NELL2: variants seen among roughly 807,000 people sequenced by gnomAD.
NELL2 encodes neural EGFL like 2.
A neutral mutation model predicts 109.6 loss-of-function variants in NELL2; 41 were observed. The observed-to-expected ratio is 0.37, with a 90% confidence interval of 0.29 to 0.49. The LOEUF (loss-of-function observed/expected upper bound fraction) is 0.49, where lower values mean the gene tolerates loss of function less well. Among genes scored for constraint, NELL2 ranks in the 20% least tolerant of loss-of-function variants. The pLI is 0.98. For missense variants in NELL2, 900 were observed against 1,008.3 expected, an observed-to-expected ratio of 0.89 and a Z score of 1.45; for synonymous variants, 355 against 344.7, an observed-to-expected ratio of 1.03 and a Z score of -0.33.
intron 13 of NELL2, among the ~76,000 whole-genome samples, chr12:44,650,436 C>T (rs1947260857): frequency 6.6e-6 from 1 of 152,080 alleles, no homozygotes; most frequent in Admixed American, 6.6e-5. Flanking sequence ...GCTGGGATTA[C>T]AGGCGCCTGC....
chr12:44,628,438 C>T (rs542382878), intron 13 of NELL2, among the ~76,000 whole-genome samples: 2 of 152,156 alleles, frequency 1.3e-5, no homozygotes, highest in Non-Finnish European at 2.9e-5. Flanking sequence ...AAGCTGAGAT[C>T]AAGGTGTTGA....
chr12:44,697,205 A>C (rs1949089593), intron 12 of NELL2, among the ~76,000 whole-genome samples: 1 of 152,206 alleles, frequency 6.6e-6, no homozygotes, highest in Non-Finnish European at 1.5e-5. Flanking sequence ...TACATTTAAG[A>C]ACCACTAAAA....
At chr12:44,702,846 G>T (rs1273494596) in intron 12 of NELL2, among the ~76,000 whole-genome samples, 1 of 152,140 alleles carries the variant, frequency 6.6e-6, no homozygotes, top group African/African-American at 2.4e-5. Flanking sequence ...GGAAACAACA[G>T]AAGTTGGTTT....
intron 2 of NELL2, among the ~76,000 whole-genome samples, chr12:44,852,083 T>A (rs866682291): frequency 2.6e-5 from 4 of 152,328 alleles, no homozygotes; most frequent in African/African-American, 9.6e-5. Flanking sequence ...TTATTTTGAA[T>A]GAGTTCTCTC....
At chr12:44,769,477 T>C (rs577390935) in intron 9 of NELL2, among the ~76,000 whole-genome samples, 5 of 152,082 alleles carry the variant, frequency 3.3e-5, no homozygotes, top group African/African-American at 9.7e-5. Flanking sequence ...GGTGAGGGTG[T>C]GGGGCAACTG....
chr12:44,850,417 A>G (rs1286397248), intron 2 of NELL2, among the ~76,000 whole-genome samples: 2 of 152,112 alleles, frequency 1.3e-5, no homozygotes, highest in Non-Finnish European at 1.5e-5. Flanking sequence ...TTTTCTTTTA[A>G]AAGAATCAGG....
intron 2 of NELL2, among the ~76,000 whole-genome samples, chr12:44,836,426 TCCCACGTAGAAC>T (rs1413799664): frequency 6.6e-6 from 1 of 151,980 alleles, no homozygotes; most frequent in Non-Finnish European, 1.5e-5. Context: ...CACTCAAACT[TCCCACGTAGAAC>T]CCCAAGAATG....
chr12:44,695,335 GT>G (rs1339043027), intron 12 of NELL2, among the ~76,000 whole-genome samples: 1 of 150,804 alleles, frequency 6.6e-6, no homozygotes, highest in Non-Finnish European at 1.5e-5. Context: ...TTTTAAAGTA[GT>G]TAACTACGAT....
intron 2 of NELL2, among the ~76,000 whole-genome samples, chr12:44,822,657 G>A (rs1009363783): frequency 1.3e-5 from 2 of 152,130 alleles, no homozygotes; most frequent in African/African-American, 4.8e-5. Flanking sequence ...CTTTTTAATT[G>A]GAGAACTGCT....
chr12:44,643,613 T>C (rs1029422193), intron 13 of NELL2, among the ~76,000 whole-genome samples: 1 of 152,174 alleles, frequency 6.6e-6, no homozygotes, highest in Non-Finnish European at 1.5e-5. Flanking sequence ...ACATATTACA[T>C]CTATATCTGA....
intron 9 of NELL2, among the ~76,000 whole-genome samples, chr12:44,748,408 A>G (rs904587639): frequency 1.3e-5 from 2 of 152,104 alleles, no homozygotes; most frequent in Non-Finnish European, 2.9e-5. Context: ...CTTCTTTTGC[A>G]TTTCGTCATG....
intron 13 of NELL2, among the ~76,000 whole-genome samples, chr12:44,664,536 A>G (rs34354933): frequency 0.16 from 24,984 of 151,964 alleles, 2,149 homozygotes; most frequent in East Asian, 0.21. Context: ...ACAAAGTGAT[A>G]CTTCTATTAT....
intron 12 of NELL2, among the ~76,000 whole-genome samples, chr12:44,703,127 A>T (rs1336582737): frequency 6.6e-6 from 1 of 152,234 alleles, no homozygotes; most frequent in Admixed American, 6.5e-5. Flanking sequence ...CGTCAGGAAG[A>T]GTCAAAGCCA....
upstream of NELL2, among the ~76,000 whole-genome samples, chr12:44,919,128 C>A (rs960048539): frequency 6.6e-6 from 1 of 152,086 alleles, no homozygotes; most frequent in African/African-American, 2.4e-5. Flanking sequence ...TTTTGGGTAT[C>A]CAGCTACTTG....
chr12:44,829,017 T>C lies in NELL2; in HGVS notation c.185-12881A>G, dbSNP rs1713295133. 2.0e-5 allele frequency among the ~76,000 whole-genome samples: 3 copies of C among 152,180 alleles called. No individual in the cohort carries two copies. The South Asian group carries it at 6.2e-4, about 32-fold the overall frequency. ...TAATCAGATTAATACTTTTGGCTAG[T>C]GTGAAGCAGTCCCTCAGAACCTCAT... is the stretch of plus-strand genomic sequence containing the variant. On this transcript the variant is annotated intron_variant, in intron 2 of 19. Transcript: ENST00000429094.
At chr12:44,767,140 C>T (rs1283988026) in intron 9 of NELL2, among the ~76,000 whole-genome samples, 1 of 152,104 alleles carries the variant, frequency 6.6e-6, no homozygotes, top group African/African-American at 2.4e-5. Flanking sequence ...CATTCTTATG[C>T]CATCTGTGGA....
At chr12:44,765,523 T>C (rs1941294021) in intron 9 of NELL2, among the ~76,000 whole-genome samples, 1 of 152,296 alleles carries the variant, frequency 6.6e-6, no homozygotes, top group South Asian at 2.1e-4. Flanking sequence ...GAAACGGGTG[T>C]GAACAGGAGC....
intron 13 of NELL2, 23 bp downstream of exon 13, chr12:44,665,460 AT>A: frequency 6.4e-7 from 1 of 1,567,794 alleles, no homozygotes; most frequent in Non-Finnish European, 8.6e-7. Flanking sequence ...AAAATATTTT[AT>A]TTCACAAATA....
intron 2 of NELL2, among the ~76,000 whole-genome samples, chr12:44,823,950 T>C (rs1592604611): frequency 6.6e-6 from 1 of 152,212 alleles, no homozygotes; most frequent in Non-Finnish European, 1.5e-5. Flanking sequence ...TGAGGTGATA[T>C]CTCAATTTTT....
Sources: allele counts gnomAD v4.1 joint callset (sites outside exome capture counted in the v4.1 genomes callset), GRCh38; gene constraint gnomAD v4.1.1; transcripts MANE v1.5; gene names NCBI Gene and HGNC (gene_info 2026-07-23, HGNC 2026-07-21).